GLI2: variants seen among roughly 807,000 people sequenced by gnomAD.
GLI2 encodes the protein transcription activator GLI2.
Under a neutral mutation model 78.9 loss-of-function variants are expected in GLI2, and 22 were observed. That is an observed-to-expected ratio of 0.28 (90% confidence interval 0.20 to 0.40). The LOEUF (loss-of-function observed/expected upper bound fraction) is 0.40. Ranked by LOEUF, GLI2 falls within the 10% of genes least tolerant of loss-of-function variation. The pLI is 1.00. For synonymous variants in GLI2, 974 were observed against 963.7 expected, an observed-to-expected ratio of 1.01 and a Z score of -0.20; for missense variants, 2,097 against 2,213.2, an observed-to-expected ratio of 0.95 and a Z score of 1.05.
intron 1 of GLI2, among the ~76,000 whole-genome samples, chr2:120,779,959 G>A (rs1427137756): frequency 6.6e-6 from 1 of 152,200 alleles, no homozygotes; most frequent in Non-Finnish European, 1.5e-5. Flanking sequence ...GTGTGTTTGT[G>A]TTTAGGCAAA....
chr2:120,814,787 A>G (rs937800881), intron 2 of GLI2, among the ~76,000 whole-genome samples: 2 of 49,030 alleles, frequency 4.1e-5, no homozygotes, highest in African/African-American at 1.5e-4. Flanking sequence ...CGCCCGCCCC[A>G]CCCCCCGCCC....
rs142016650 is a variant in GLI2 at position 120,757,919 on chromosome 2, T to C, written c.-31+21634T>C. The stretch of plus-strand genomic sequence containing the variant: ...TTCCATGGTTTTGCTGGTTATTTGA[T>C]GGTTTTGGGAGGGAGGTTACATCTG... On this transcript the variant is annotated intron_variant, in intron 1 of 13. Transcript: ENST00000361492. 1.1e-4 allele frequency among the ~76,000 whole-genome samples: 17 copies of C among 152,350 alleles called. No homozygotes were observed. In the East Asian group the frequency reaches 3.3e-3, roughly 29 times the overall value.
In GLI2 at chr2:120,955,334, G is replaced by A. The variant is rs754272697; in HGVS notation, c.547G>A (p.Val183Met). The change falls in exon 5 of 14, where the codon GTG becomes ATG. Residue 183 changes from valine (V) to methionine (M), a missense_variant. Physicochemically the swap from Val to Met is conservative, Grantham distance 21 (BLOSUM62 1). Around this residue, in one of 5 missense-constraint regions of GLI2, gnomAD observed 578 missense variants for 612.0 expected, o/e 0.94. Transcript: ENST00000361492. Reference sequence around the variant, plus strand: ...AGACTATTACCACCAGATGACCCTCGTGGCAGGCCACCCCGCGCCCTACGG... The same window carrying A: ...AGACTATTACCACCAGATGACCCTCATGGCAGGCCACCCCGCGCCCTACGG... ...PSDYYHQMTL[V>M]AGHPAPYGDL... 38 of 1,613,016 alleles carry A rather than the reference G, an allele frequency of 2.4e-5. No individual in the cohort carries two copies. The highest frequency in any genetic ancestry group is 5.0e-5 in the Admixed American group (3 of 59,974).
chr2:120,931,571 T>C (rs1275356344), intron 3 of GLI2, among the ~76,000 whole-genome samples: 1 of 152,222 alleles, frequency 6.6e-6, no homozygotes, highest in Non-Finnish European at 1.5e-5. Flanking sequence ...GTGTGGAGTC[T>C]GGCATCAGCC....
chr2:120,972,629 G>C, intron 8 of GLI2: 1 of 518,858 alleles, frequency 1.9e-6, no homozygotes, highest in Admixed American at 1.9e-5. Context: ...GTGGCGCTAT[G>C]GGAGAAGTGC....
In GLI2 at chr2:120,912,394, A is replaced by G. The variant is rs563872244; in HGVS notation, c.149-14967A>G. Among the ~76,000 whole-genome samples, 8 of 151,740 alleles carry G rather than the reference A, an allele frequency of 5.3e-5. No individual in the cohort carries two copies. The South Asian group carries it at 1.5e-3, about 28-fold the overall frequency. ...CCGCTCAGGGCTGGAGGGTTGGGTC[A>G]TGAGACCACATATTCTGTGTCTCAG... On this transcript the variant is annotated intron_variant, in intron 2 of 13. Transcript: ENST00000361492.
At position 120,883,131 on chromosome 2, in the gene GLI2, G is replaced by A. The variant is rs374029784; in HGVS notation, c.149-44230G>A. On this transcript the variant is annotated intron_variant, in intron 2 of 13. Transcript: ENST00000361492. Reference sequence around the variant, plus strand: ...GAGAGAGAAGTAATAGGTTCCTTCCGTGGGTTTAGCCTTTTGTTTGCATCT... The same window carrying A: ...GAGAGAGAAGTAATAGGTTCCTTCCATGGGTTTAGCCTTTTGTTTGCATCT... 1.9e-4 allele frequency among the ~76,000 whole-genome samples: 29 copies of A among 152,248 alleles called. No homozygotes were observed. In the East Asian group the frequency reaches 4.6e-3, roughly 24 times the overall value.
intron 2 of GLI2, among the ~76,000 whole-genome samples, chr2:120,896,165 G>A (rs1296015561): frequency 6.6e-6 from 1 of 152,208 alleles, no homozygotes; most frequent in Admixed American, 6.5e-5. Context: ...TGCCTTGATG[G>A]TCTGTGGATC....
chr2:120,771,112 G>A (rs1039815273), intron 1 of GLI2, among the ~76,000 whole-genome samples: 1 of 152,218 alleles, frequency 6.6e-6, no homozygotes, highest in African/African-American at 2.4e-5. Context: ...ACCACCCTGG[G>A]GTACGTTGGT....
At chr2:120,851,691 G>A (rs1405717127) in intron 2 of GLI2, among the ~76,000 whole-genome samples, 2 of 152,316 alleles carry the variant, frequency 1.3e-5, no homozygotes, top group African/African-American at 2.4e-5. Flanking sequence ...AGTGCCAGCC[G>A]GGCATCAGGC....
chr2:120,850,117 G>GAACAGAAAAC (rs1251940652), intron 2 of GLI2, among the ~76,000 whole-genome samples: 2 of 151,976 alleles, frequency 1.3e-5, no homozygotes, highest in South Asian at 4.2e-4. Flanking sequence ...AAACAGACGG[G>GAACAGAAAAC]AGAAGGTTAT....
At position 120,793,701 on chromosome 2, in the gene GLI2, C is replaced by T. The variant is rs185216637; in HGVS notation, c.-30-3590C>T. On this transcript the variant is annotated intron_variant, in intron 1 of 13. Transcript: ENST00000361492. Reference sequence around the variant, plus strand: ...TGCATCTGCTCCCCACAGGCGTTCACGAAACCTCAGGTGCATCTGTGTGCA... The same window carrying T: ...TGCATCTGCTCCCCACAGGCGTTCATGAAACCTCAGGTGCATCTGTGTGCA... Among the ~76,000 whole-genome samples the T allele has an allele frequency of 5.2e-4, 79 of 152,364 alleles. 1 individual carries two copies. The highest frequency in any genetic ancestry group is 4.7e-3 in the Admixed American group (72 of 15,310).
intron 9 of GLI2, 43 bp downstream of exon 9, chr2:120,975,152 C>T (rs1437962653): frequency 6.2e-7 from 1 of 1,601,686 alleles, no homozygotes; most frequent in Non-Finnish European, 8.5e-7. Context: ...GGGGCACGGC[C>T]CAGGCCATGC....
At chr2:120,806,049 T>G (rs1573403699) in intron 2 of GLI2, among the ~76,000 whole-genome samples, 1 of 152,344 alleles carries the variant, frequency 6.6e-6, no homozygotes, top group South Asian at 2.1e-4. Flanking sequence ...TATTTACAAC[T>G]CAGTATGCGC....
intron 2 of GLI2, among the ~76,000 whole-genome samples, chr2:120,814,147 C>A (rs562572974): frequency 6.6e-6 from 1 of 152,258 alleles, no homozygotes; most frequent in East Asian, 1.9e-4. Context: ...GCACTCCAGA[C>A]CTGTTGCACA....
At chr2:120,901,481 C>G (rs1254330280) in intron 2 of GLI2, among the ~76,000 whole-genome samples, 1 of 152,164 alleles carries the variant, frequency 6.6e-6, no homozygotes, top group Non-Finnish European at 1.5e-5. Flanking sequence ...TCCGCTGGGC[C>G]GGTGCTGCTC....
chr2:120,947,922 G>A (rs1680791043), intron 3 of GLI2, among the ~76,000 whole-genome samples: 1 of 152,240 alleles, frequency 6.6e-6, no homozygotes, highest in Non-Finnish European at 1.5e-5. Context: ...TGGCACAGGG[G>A]AAGAGCAAGG....
intron 2 of GLI2, among the ~76,000 whole-genome samples, chr2:120,828,033 T>C (rs903619955): frequency 3.9e-5 from 6 of 152,194 alleles, no homozygotes; most frequent in African/African-American, 1.4e-4. Flanking sequence ...AAATGGTACA[T>C]TTTATGTTTT....
chr2:120,856,738 C>T (rs2104625653), intron 2 of GLI2, among the ~76,000 whole-genome samples: 1 of 152,234 alleles, frequency 6.6e-6, no homozygotes, highest in Non-Finnish European at 1.5e-5. Context: ...CAGACCAGCG[C>T]TTTCCTGGGC....
Sources: gnomAD v4.1 joint callset for allele counts (sites outside exome capture counted in the v4.1 genomes callset) on GRCh38, gnomAD v4.1.1 for gene constraint, gnomAD v4.1.1 regional missense constraint, MANE v1.5 for transcripts, NCBI Gene and HGNC (gene_info 2026-07-23, HGNC 2026-07-21) for gene names.